The following CYP4F8 variants were observed in gnomAD, a reference collection of about 807,000 sequenced individuals.
CYP4F8 encodes cytochrome P450 4F8.
A neutral mutation model predicts 55.0 loss-of-function variants in CYP4F8; 56 were observed. The ratio of observed to expected loss-of-function variants is 1.02; its 90% CI spans 0.82 to 1.27. The LOEUF (loss-of-function observed/expected upper bound fraction) is 1.27, where lower values mean the gene tolerates loss of function less well. CYP4F8 is among the 50% of genes most tolerant of loss of function. The pLI is 0.00. For synonymous variants in CYP4F8, 288 were observed against 267.3 expected (o/e 1.08, Z -0.76); for missense variants, 680 against 682.4 (o/e 1.00, Z 0.04).
At position 15,619,617 on chromosome 19, in the gene CYP4F8, C is replaced by T. The variant is rs1972167509; in HGVS notation, c.398-18C>T. 6.2e-7 allele frequency: 1 copy of T among 1,614,180 alleles called. No homozygotes were observed. Among genetic ancestry groups the T allele is most frequent in the Non-Finnish European group, 8.5e-7 (1 of 1,180,008 alleles). On this transcript the variant is annotated intron_variant, in intron 4 of 12. Coordinates refer to ENST00000612078, the MANE Select transcript of CYP4F8 (RefSeq NM_007253.4). ...GGAAGATTCTGCCCTTGCCCACAGC[C>T]TTTGGCTGCCGTACTAGGGGATGGG...
chr19:15,628,961 C>T lies in CYP4F8; in HGVS notation c.1397+118C>T, dbSNP rs1972300018. ...TGTGATAGGGGTTTTAAAGAAGATC[C>T]TAGGAAAAAGGGTGTGCTCAGAGCC... On this transcript the variant is annotated intron_variant, in intron 12 of 12. Coordinates refer to ENST00000612078, the MANE Select transcript of CYP4F8 (RefSeq NM_007253.4). 3.8e-6 allele frequency: 5 copies of T among 1,327,418 alleles called. No individual in the cohort carries two copies. In the South Asian group the frequency reaches 4.2e-5, roughly 11 times the overall value. 82.2% of individuals were successfully genotyped at this position (1,327,418 alleles called of 1,614,324 possible). A position where few individuals can be genotyped will look rare whatever the true frequency, so the allele number is the denominator to read the frequency against.
chr19:15,628,149 T>C (rs1374623939), intron 9 of CYP4F8, 153 bp from the exon 10 acceptor site: 8 of 1,147,450 alleles, frequency 7.0e-6, no homozygotes, highest in African/African-American at 1.6e-5. Context: ...TCTAGTAGTT[T>C]TGTGACTTTG....
intron 6 of CYP4F8, 46 bp downstream of exon 6, chr19:15,622,386 G>C (rs758232246): frequency 4.6e-6 from 7 of 1,530,684 alleles, no homozygotes; most frequent in Non-Finnish European, 6.3e-6. Context: ...GAGTGGGGGT[G>C]TGGGTGTGGG....
rs1393214418 is a variant in CYP4F8, at chr19:15,629,382, AC to A, written c.*26del. 1 of 1,578,064 alleles carries A rather than the reference AC, an allele frequency of 6.3e-7. No homozygotes were observed. The highest frequency in any genetic ancestry group is 8.6e-7 in the Non-Finnish European group (1 of 1,161,964). ...GAGGCCTGCAGTGACCCACCCACCTACCTTTGCATCACCTACCTTTGCACCA... is the reference window on the plus strand; with the variant it reads ...GAGGCCTGCAGTGACCCACCCACCTACTTTGCATCACCTACCTTTGCACCA... On this transcript the variant is annotated 3_prime_UTR_variant, in exon 13 of 13. Transcript: ENST00000612078.
rs1440295632 is a variant in CYP4F8 at position 15,629,450 on chromosome 19, CT to C, written c.*93del. Reference sequence around the variant, plus strand: ...TCCGGTAATAAATCTGTGTTGGCCCCTGTGCCTCAGTCCCGCGGATGGCCAG... The same window carrying C: ...TCCGGTAATAAATCTGTGTTGGCCCCGTGCCTCAGTCCCGCGGATGGCCAG... On this transcript the variant is annotated 3_prime_UTR_variant, in exon 13 of 13. Transcript: ENST00000612078. The C allele has an allele frequency of 6.9e-7, 1 of 1,446,306 alleles. No individual in the cohort carries two copies. The highest frequency in any genetic ancestry group is 9.1e-7 in the Non-Finnish European group (1 of 1,096,014). The allele number at this position is 1,446,306 out of a possible 1,614,324, so 89.6% of individuals were successfully genotyped here. A position where few individuals can be genotyped will look rare whatever the true frequency, so the allele number is the denominator to read the frequency against.
At chr19:15,618,752 A>T (rs906528010) in intron 3 of CYP4F8, 1 of 220,756 alleles carries the variant, frequency 4.5e-6, no homozygotes, top group African/African-American at 2.3e-5. Context: ...TATTTCCATG[A>T]CATTCACCTC....
At position 15,618,079 on chromosome 19, in the gene CYP4F8, G is replaced by A. The variant is rs192387833; in HGVS notation, c.278G>A (p.Gly93Asp). ...TYPQGFVRWL[G>D]PITPIINLCH... ...CCCCAGGGCTTTGTGAGGTGGTTGG[G>A]CCCCATCACTCCCATCATCAACTTG... The change falls in exon 3 of 13, where the codon GGC becomes GAC. Residue 93 changes from glycine (G) to aspartate (D), a missense_variant. Coordinates refer to ENST00000612078, the MANE Select transcript of CYP4F8 (RefSeq NM_007253.4). 98 of 1,614,022 alleles carry A rather than the reference G, an allele frequency of 6.1e-5. No individual in the cohort carries two copies. In the East Asian group the frequency reaches 6.5e-4, roughly 11 times the overall value.
At position 15,615,292 on chromosome 19, in the gene CYP4F8, G is replaced by A. The variant is rs1253680958; in HGVS notation, c.-2+12G>A. 2 of 209,998 alleles carry A rather than the reference G, an allele frequency of 9.5e-6. No homozygotes were observed. Among genetic ancestry groups the A allele is most frequent in the Non-Finnish European group, 1.9e-5 (2 of 105,502 alleles). The allele number at this position is 209,998 out of a possible 1,614,324, so 13.0% of individuals were successfully genotyped here. A position where few individuals can be genotyped will look rare whatever the true frequency, so the allele number is the denominator to read the frequency against. ...TCTCCTGACAGAAGGTGCCAGGCTG[G>A]GGGTGGCAGGGCTGGATAGGGAGGG... On this transcript the variant is annotated intron_variant, in intron 1 of 12. Coordinates refer to ENST00000612078, the MANE Select transcript of CYP4F8 (RefSeq NM_007253.4).
chr19:15,618,089 T>C lies in CYP4F8; in HGVS notation c.288T>C (p.Thr96=), dbSNP rs1232838455. Residue 96 remains threonine, a synonymous_variant, in exon 3 of 13, where the codon ACT becomes ACC. Transcript: ENST00000612078. ...TTGTGAGGTGGTTGGGCCCCATCAC[T>C]CCCATCATCAACTTGTGCCACCCTG... ...QGFVRWLGPI[T]PIINLCHPDI... The C allele has an allele frequency of 1.9e-6, 3 of 1,613,988 alleles. No individual in the cohort carries two copies. The highest frequency in any genetic ancestry group is 2.5e-6 in the Non-Finnish European group (3 of 1,179,960).
At chr19:15,616,025 C>T (rs1972113890) in intron 2 of CYP4F8, among the ~76,000 whole-genome samples, 5 of 148,378 alleles carry the variant, frequency 3.4e-5, no homozygotes, top group Admixed American at 2.0e-4. Context: ...CCTCTCCTCA[C>T]TCACTCATTC....
chr19:15,624,373 T>C (rs751819644), intron 9 of CYP4F8, among the ~76,000 whole-genome samples: 15 of 152,148 alleles, frequency 9.9e-5, no homozygotes, highest in South Asian at 2.1e-4. Context: ...CCTTTGTAAA[T>C]TGGGGGTGTG....
chr19:15,628,859 G>T lies in CYP4F8; in HGVS notation c.1397+16G>T, dbSNP rs1009010683. 6.3e-7 allele frequency: 1 copy of T among 1,576,754 alleles called. No individual in the cohort carries two copies. The highest frequency in any genetic ancestry group is 1.4e-5 in the African/African-American group (1 of 73,108). On this transcript the variant is annotated intron_variant, in intron 12 of 12. Coordinates refer to ENST00000612078, the MANE Select transcript of CYP4F8 (RefSeq NM_007253.4). ...CGGGGCCCAGGTGAGGCCAGGGGGT[G>T]TCTGAGGTGGGCATGGGCTGAGGGT...
intron 2 of CYP4F8, among the ~76,000 whole-genome samples, chr19:15,616,235 C>CA: frequency 6.7e-6 from 1 of 150,184 alleles, no homozygotes; most frequent in East Asian, 2.0e-4. Context: ...CCTCTCCTCA[C>CA]CCACTCATTC....
Position 15,622,334 on chromosome 19 carries a change from G to T in CYP4F8, c.641G>T (p.Cys214Phe), listed in dbSNP as rs758609915. The T allele has an allele frequency of 1.3e-6, 2 of 1,593,260 alleles. No homozygotes were observed. The highest frequency in any genetic ancestry group is 1.7e-5 in the Admixed American group (1 of 59,002). ...QKCIFSFDSN[C>F]QEKPSEYITA... ...TGCATCTTCAGCTTTGACAGCAATT[G>T]TCAGGAGTGAGTTCTTGCCCAGGGC... The change falls in exon 6 of 13, where the codon TGT (cysteine) becomes TTT (phenylalanine). Residue 214 changes from cysteine (C) to phenylalanine (F), a missense_variant. Physicochemically the swap from Cys to Phe is radical, Grantham distance 205. Transcript: ENST00000612078.
intron 2 of CYP4F8, among the ~76,000 whole-genome samples, chr19:15,616,214 A>G (rs185112552): frequency 0.18 from 19,915 of 109,302 alleles, 1,571 homozygotes; most frequent in Middle Eastern, 0.26. Context: ...TCCTCTCCTC[A>G]CTCACTCATT....
chr19:15,617,159 G>A (rs182518677), intron 2 of CYP4F8, among the ~76,000 whole-genome samples: 1 of 152,302 alleles, frequency 6.6e-6, no homozygotes, highest in African/African-American at 2.4e-5. Context: ...CACTTGTGGA[G>A]CCCACCCCAC....
chr19:15,621,071 G>T (rs1389666734), intron 5 of CYP4F8, among the ~76,000 whole-genome samples: 3 of 152,072 alleles, frequency 2.0e-5, no homozygotes, highest in African/African-American at 4.8e-5. Flanking sequence ...TGATAAGGTG[G>T]GCTTCTATAG....
At chr19:15,624,894 C>T (rs190555719) in intron 9 of CYP4F8, among the ~76,000 whole-genome samples, 298 of 152,166 alleles carry the variant, frequency 2.0e-3, no homozygotes, top group African/African-American at 6.8e-3. Flanking sequence ...TACTTTGGGT[C>T]GTACTAGTTT....
At position 15,623,995 on chromosome 19, in the gene CYP4F8, G is replaced by T. The variant is rs1327914824; in HGVS notation, c.1016G>T (p.Trp339Leu). Residue 339 changes from tryptophan to leucine, a missense_variant, in exon 9 of 13, where the codon TGG becomes TTG. By Grantham distance (61) the Trp-to-Leu change is moderately conservative. Coordinates refer to ENST00000612078, the MANE Select transcript of CYP4F8 (RefSeq NM_007253.4). Reference protein sequence around the residue: ...GHDTTASGLSWVLYNLARHPE... With the variant: ...GHDTTASGLSLVLYNLARHPE... ...GACACCACGGCCAGTGGCCTCTCCT[G>T]GGTCTTGTACAACCTCGCGAGGCAC... The T allele has an allele frequency of 6.2e-7, 1 of 1,614,174 alleles. No individual in the cohort carries two copies. The highest frequency in any genetic ancestry group is 8.5e-7 in the Non-Finnish European group (1 of 1,180,026).
Sources: gnomAD v4.1 joint callset for allele counts (sites outside exome capture counted in the v4.1 genomes callset) on GRCh38, gnomAD v4.1.1 for gene constraint, MANE v1.5 for transcripts, NCBI Gene and HGNC (gene_info 2026-07-23, HGNC 2026-07-21) for gene names.